Variants in DICER1 observed in about 807,000 individuals in gnomAD.
DICER1 encodes the protein endoribonuclease Dicer.
In DICER1, 43 loss-of-function variants were observed where a neutral mutation model predicts 194.1. The ratio of observed to expected loss-of-function variants is 0.22; its 90% confidence interval spans 0.17 to 0.29. DICER1 has a LOEUF of 0.29. Ranked by LOEUF, DICER1 falls within the 10% of genes least tolerant of loss-of-function variation. The probability of loss-of-function intolerance (pLI) is 1.00; values close to 1 mark genes in which losing one functional copy is unlikely to be tolerated. For missense variants in DICER1, 1,608 were observed against 2,317.0 expected (o/e 0.69, Z 6.28); for synonymous variants, 832 against 820.5 (o/e 1.01, Z -0.24).
intron 11 of DICER1, among the ~76,000 whole-genome samples, chr14:95,114,598 T>C (rs1435790171): frequency 6.6e-6 from 1 of 152,094 alleles, no homozygotes; most frequent in African/African-American, 2.4e-5. Context: ...TGAGTCAAAC[T>C]GGGAAAAGGA....
chr14:95,144,472 C>G (rs1468126061), intron 1 of DICER1, among the ~76,000 whole-genome samples: 1 of 152,142 alleles, frequency 6.6e-6, no homozygotes, highest in Non-Finnish European at 1.5e-5. Flanking sequence ...GAGGATTACA[C>G]AAGATCTTAA....
At position 95,103,878 on chromosome 14, in the gene DICER1, G is replaced by C. The variant is rs769329149; in HGVS notation, c.3518C>G (p.Thr1173Arg). ...KLHVEVSADL[T>R]AINGLSYNQN... is the part of the protein sequence containing the mutation. Reference sequence around the variant, plus strand: ...ATTGTAAGAAAGACCATTAATTGCTGTAAGATCTGCTGAAACTTCAACGTG... The same window carrying C: ...ATTGTAAGAAAGACCATTAATTGCTCTAAGATCTGCTGAAACTTCAACGTG... Residue 1173 changes from threonine to arginine, a missense_variant, in exon 21 of 27, where the codon ACA (threonine) becomes AGA (arginine). Around this residue, in one of 10 missense-constraint regions of DICER1, gnomAD observed 222 missense variants for 215.5 expected, o/e 1.03. Coordinates refer to ENST00000343455, the MANE Select transcript of DICER1 (RefSeq NM_177438.3). 1.2e-6 allele frequency: 2 copies of C among 1,614,034 alleles called. No individual in the cohort carries two copies. The highest frequency in any genetic ancestry group is 2.2e-5 in the East Asian group (1 of 44,878).
chr14:95,116,548 C>T lies in DICER1; in HGVS notation c.1657G>A (p.Ala553Thr). The T allele has an allele frequency of 6.2e-7, 1 of 1,614,016 alleles. No individual in the cohort carries two copies. Among genetic ancestry groups the T allele is most frequent in the Non-Finnish European group, 8.5e-7 (1 of 1,179,974 alleles). The change falls in exon 10 of 27, where the codon GCA (alanine) becomes ACA (threonine). Residue 553 changes from alanine (A) to threonine (T), a missense_variant. Coordinates refer to ENST00000343455, the MANE Select transcript of DICER1 (RefSeq NM_177438.3). ...YRSYVQSKGR[A>T]RAPISNYIML... is the part of the protein sequence containing the mutation. ...ATATAATTAGAGATGGGTGCCCTTG[C>T]TCTTCCTTTAGATTGAACATAGGAT...
chr14:95,126,500 T>G (rs1420846228), intron 7 of DICER1, 80 bp downstream of exon 7: 3 of 928,334 alleles, frequency 3.2e-6, no homozygotes, highest in Non-Finnish European at 5.1e-6. Context: ...AGAGCCGCAT[T>G]AAGCATATTT....
chr14:95,111,558 G>C (rs1891964262), intron 13 of DICER1, 102 bp from the exon 14 acceptor site: 2 of 1,255,542 alleles, frequency 1.6e-6, no homozygotes, highest in Admixed American at 1.7e-5. Flanking sequence ...GAAAAGTAAT[G>C]GAAACTAAAG....
In DICER1 at chr14:95,089,503, G is replaced by A. The variant is rs762234965; in HGVS notation, c.*995C>T. 1 of 232,156 alleles carries A rather than the reference G, an allele frequency of 4.3e-6. No homozygotes were observed. The highest frequency in any genetic ancestry group is 2.2e-5 in the African/African-American group (1 of 45,292). 14.4% of individuals were successfully genotyped at this position (232,156 alleles called of 1,614,324 possible). A position where few individuals can be genotyped will look rare whatever the true frequency, so the allele number is the denominator to read the frequency against. ...TATGTCTAAGGTTTATTTTGTTAGA[G>A]CAACAGCCTAGAAGGCAAAATTATT... On this transcript the variant is annotated 3_prime_UTR_variant, in exon 27 of 27. Transcript: ENST00000343455.
intron 22 of DICER1, among the ~76,000 whole-genome samples, chr14:95,099,539 G>T (rs996784663): frequency 1.3e-5 from 2 of 151,590 alleles, no homozygotes; most frequent in Admixed American, 1.3e-4. Flanking sequence ...CTTTGGAAAA[G>T]AAATAATAAA....
intron 1 of DICER1, among the ~76,000 whole-genome samples, chr14:95,155,319 T>C (rs1895778219): frequency 6.6e-6 from 1 of 152,222 alleles, no homozygotes; most frequent in Non-Finnish European, 1.5e-5. Flanking sequence ...AGTGAGAGAC[T>C]GTCTACGAAA....
At position 95,087,484 on chromosome 14, in the gene DICER1, T is replaced by C. The variant is rs1256142575; in HGVS notation, c.*3014A>G. The C allele has an allele frequency of 8.6e-6, 2 of 233,014 alleles. No individual in the cohort carries two copies. Among genetic ancestry groups the C allele is most frequent in the African/African-American group, 4.4e-5 (2 of 45,296 alleles). The allele number at this position is 233,014 out of a possible 1,614,324, so 14.4% of individuals were successfully genotyped here. On this transcript the variant is annotated 3_prime_UTR_variant, in exon 27 of 27. Coordinates refer to ENST00000343455, the MANE Select transcript of DICER1 (RefSeq NM_177438.3). Reference sequence around the variant, plus strand: ...CGAGTATATGACACATTGCAGGCATTATAATTATCTTTTTCAAATTCCATA... The same window carrying C: ...CGAGTATATGACACATTGCAGGCATCATAATTATCTTTTTCAAATTCCATA...
At chr14:95,090,747 C>G in intron 26 of DICER1, 84 bp from the exon 27 acceptor site, 1 of 1,486,716 alleles carries the variant, frequency 6.7e-7, no homozygotes, top group Non-Finnish European at 9.4e-7. Flanking sequence ...CACTCTCAGG[C>G]CAGGAGTCCC....
intron 1 of DICER1, among the ~76,000 whole-genome samples, chr14:95,144,684 A>G (rs755625872): frequency 3.9e-5 from 6 of 152,340 alleles, no homozygotes; most frequent in Non-Finnish European, 8.8e-5. Flanking sequence ...AAGATTTTAT[A>G]CAGAATTTAT....
chr14:95,091,758 C>T (rs936929701), intron 24 of DICER1, among the ~76,000 whole-genome samples: 4 of 152,164 alleles, frequency 2.6e-5, no homozygotes, highest in African/African-American at 9.7e-5. Flanking sequence ...GGCAAGCATT[C>T]AATAGTACTA....
intron 17 of DICER1, 51 bp downstream of exon 17, chr14:95,107,557 T>C: frequency 6.2e-7 from 1 of 1,600,090 alleles, no homozygotes; most frequent in African/African-American, 1.3e-5. Flanking sequence ...ACCTAGTGCA[T>C]CTTTTAAAAC....
At position 95,088,321 on chromosome 14, in the gene DICER1, CA is replaced by C. The variant is rs1202474079; in HGVS notation, c.*2176del. The stretch of plus-strand genomic sequence containing the variant: ...CCACTGGGAATCATAACTGTGAAAA[CA>C]ATCTGATTTTGGTGCCAGGAATCAA... On this transcript the variant is annotated 3_prime_UTR_variant, in exon 27 of 27. Coordinates refer to ENST00000343455, the MANE Select transcript of DICER1 (RefSeq NM_177438.3). 1 of 231,978 alleles carries C rather than the reference CA, an allele frequency of 4.3e-6. No individual in the cohort carries two copies. Among genetic ancestry groups the C allele is most frequent in the African/African-American group, 2.2e-5 (1 of 45,220 alleles). 14.4% of individuals were successfully genotyped at this position (231,978 alleles called of 1,614,324 possible).
intron 1 of DICER1, among the ~76,000 whole-genome samples, chr14:95,135,725 A>C (rs1894312524): frequency 6.6e-6 from 1 of 152,158 alleles, no homozygotes; most frequent in African/African-American, 2.4e-5. Flanking sequence ...CGTTTTTGCA[A>C]ATGGCAGGAT....
At position 95,144,184 on chromosome 14, in the gene DICER1, C is replaced by T. The variant is rs535476923; in HGVS notation, c.-45-10681G>A. On this transcript the variant is annotated intron_variant, in intron 1 of 26. Transcript: ENST00000343455. ...TACATATAAACATGTATTTAATGGA[C>T]GTATTTGCCTCAAAACACTGATTCT... is the stretch of plus-strand genomic sequence containing the variant. 1.8e-4 allele frequency among the ~76,000 whole-genome samples: 28 copies of T among 152,122 alleles called. No homozygotes were observed. The South Asian group carries it at 4.8e-3, about 26-fold the overall frequency.
intron 1 of DICER1, among the ~76,000 whole-genome samples, chr14:95,142,739 T>C (rs930137138): frequency 6.6e-6 from 1 of 152,192 alleles, no homozygotes; most frequent in African/African-American, 2.4e-5. Flanking sequence ...TCCTGTTTCA[T>C]AGGCCCCTTT....
At chr14:95,137,683 CTT>C (rs983400412) in intron 1 of DICER1, among the ~76,000 whole-genome samples, 114 of 152,226 alleles carry the variant, frequency 7.5e-4, no homozygotes, top group African/African-American at 2.6e-3. Context: ...AGGTGAAAAG[CTT>C]TGTTTGTAAG....
chr14:95,100,402 C>T (rs1434261255), intron 21 of DICER1, among the ~76,000 whole-genome samples: 1 of 152,084 alleles, frequency 6.6e-6, no homozygotes. Context: ...AAACTGGCAC[C>T]GAACAAAACT....
Sources: allele counts gnomAD v4.1 joint callset (sites outside exome capture counted in the v4.1 genomes callset), GRCh38; gene constraint gnomAD v4.1.1; regional missense constraint gnomAD v4.1.1; transcripts MANE v1.5; gene names NCBI Gene and HGNC (gene_info 2026-07-23, HGNC 2026-07-21).